FOXJ3: variants seen among roughly 807,000 people sequenced by gnomAD.
The protein encoded by FOXJ3 is forkhead box J3, also known as forkhead box protein J3.
FOXJ3 carries 22 observed loss-of-function variants against 76.1 expected under a neutral mutation model. That is an observed-to-expected ratio of 0.29 (90% confidence interval 0.21 to 0.41). The LOEUF is 0.41. FOXJ3 is among the 10% of genes least tolerant of loss of function. The pLI is 1.00. For synonymous variants in FOXJ3, 269 were observed against 261.2 expected (o/e 1.03, Z -0.29); for missense variants, 613 against 762.1 (o/e 0.80, Z 2.30).
intron 8 of FOXJ3, among the ~76,000 whole-genome samples, chr1:42,193,096 GA>G (rs1218669552): frequency 1.3e-5 from 2 of 151,696 alleles, no homozygotes; most frequent in Admixed American, 1.3e-4. Flanking sequence ...TTAAATAAAA[GA>G]AAGCAAAATA....
intron 1 of FOXJ3, among the ~76,000 whole-genome samples, chr1:42,319,686 G>A (rs563435228): frequency 1.1e-4 from 17 of 152,184 alleles, no homozygotes; most frequent in African/African-American, 3.6e-4. Flanking sequence ...CAACAAAGCA[G>A]TTAGGAAAAA....
chr1:42,210,026 T>C (rs1288920329), intron 5 of FOXJ3, among the ~76,000 whole-genome samples: 2 of 152,194 alleles, frequency 1.3e-5, no homozygotes, highest in African/African-American at 2.4e-5. Flanking sequence ...GAGTTCTAAG[T>C]GCAGGCTGCC....
At chr1:42,324,609 GC>G (rs1655719963) in intron 1 of FOXJ3, among the ~76,000 whole-genome samples, 1 of 152,030 alleles carries the variant, frequency 6.6e-6, no homozygotes, top group Non-Finnish European at 1.5e-5. Context: ...AGATGGTAGA[GC>G]CTACTACACA....
At chr1:42,322,944 T>C (rs1196096174) in intron 1 of FOXJ3, among the ~76,000 whole-genome samples, 2 of 152,152 alleles carry the variant, frequency 1.3e-5, no homozygotes, top group African/African-American at 4.8e-5. Flanking sequence ...TTTCGTTTTG[T>C]TTTAATATAG....
At chr1:42,192,803 T>C (rs1646577055) in intron 8 of FOXJ3, among the ~76,000 whole-genome samples, 1 of 151,482 alleles carries the variant, frequency 6.6e-6, no homozygotes, top group African/African-American at 2.4e-5. Context: ...AATAAAAGAA[T>C]CAAGCTTTTT....
Position 42,181,862 on chromosome 1 carries a change from T to TGCTC in FOXJ3, c.1753+51_1753+54dup, listed in dbSNP as rs977039505. The stretch of plus-strand genomic sequence containing the variant: ...TCACCTGCCATCGTTGTTCCTGGAG[T>TGCTC]GCTCACACACACACACACACACACA... On this transcript the variant is annotated intron_variant, in intron 12 of 12. Transcript: ENST00000361346. 1.1e-5 allele frequency: 12 copies of TGCTC among 1,087,680 alleles called. No individual in the cohort carries two copies. The African/African-American group carries it at 1.1e-4, about 10-fold the overall frequency. 67.4% of individuals were successfully genotyped at this position (1,087,680 alleles called of 1,614,324 possible). A position where few individuals can be genotyped will look rare whatever the true frequency, so the allele number is the denominator to read the frequency against.
chr1:42,229,532 T>G (rs1359854032), intron 4 of FOXJ3, among the ~76,000 whole-genome samples: 1 of 152,136 alleles, frequency 6.6e-6, no homozygotes, highest in Non-Finnish European at 1.5e-5. Flanking sequence ...CAGATTCTGG[T>G]CTATGTAGGT....
At chr1:42,208,281 T>C (rs761232099) in intron 5 of FOXJ3, among the ~76,000 whole-genome samples, 1 of 152,118 alleles carries the variant, frequency 6.6e-6, no homozygotes, top group Non-Finnish European at 1.5e-5. Flanking sequence ...GAAATACTCA[T>C]CCCTCAACAA....
intron 2 of FOXJ3, among the ~76,000 whole-genome samples, chr1:42,309,356 C>T (rs1243293171): frequency 2.0e-5 from 3 of 152,200 alleles, no homozygotes; most frequent in African/African-American, 7.2e-5. Flanking sequence ...CTAAAGAATG[C>T]TCGACTACCA....
At chr1:42,206,724 G>T (rs1484169724) in intron 5 of FOXJ3, among the ~76,000 whole-genome samples, 1 of 151,976 alleles carries the variant, frequency 6.6e-6, no homozygotes, top group African/African-American at 2.4e-5. Flanking sequence ...TTTATACTAG[G>T]AATATTCAAA....
At chr1:42,193,380 AG>A (rs1309711246) in intron 8 of FOXJ3, among the ~76,000 whole-genome samples, 1 of 151,370 alleles carries the variant, frequency 6.6e-6, no homozygotes, top group Non-Finnish European at 1.5e-5. Flanking sequence ...ACTAGAACCC[AG>A]ACTTCCTATC....
intron 4 of FOXJ3, among the ~76,000 whole-genome samples, chr1:42,241,377 T>A (rs1649129106): frequency 6.6e-6 from 1 of 152,148 alleles, no homozygotes; most frequent in African/African-American, 2.4e-5. Flanking sequence ...TCCAGCTACC[T>A]GAGCACACTG....
chr1:42,288,721 G>A (rs1466319427), intron 2 of FOXJ3, among the ~76,000 whole-genome samples: 1 of 152,172 alleles, frequency 6.6e-6, no homozygotes, highest in Non-Finnish European at 1.5e-5. Flanking sequence ...CTCTCATACA[G>A]TGTATAGTAG....
At chr1:42,258,893 G>C (rs999179555) in intron 4 of FOXJ3, among the ~76,000 whole-genome samples, 10 of 152,088 alleles carry the variant, frequency 6.6e-5, no homozygotes, top group African/African-American at 2.4e-4. Context: ...CCACTCACAA[G>C]GCAGCTTAAC....
chr1:42,191,135 G>C lies in FOXJ3; in HGVS notation c.1351+168C>G, dbSNP rs189218132. The stretch of plus-strand genomic sequence containing the variant: ...TGTTGCCACAATAAATTTTAATCAA[G>C]AAAGTCGCCAGGTCAGTCTATGAAT... On this transcript the variant is annotated intron_variant, in intron 9 of 12. Coordinates refer to ENST00000361346, the MANE Select transcript of FOXJ3 (RefSeq NM_014947.5). Among the ~76,000 whole-genome samples the C allele has an allele frequency of 5.3e-5, 8 of 152,156 alleles. No individual in the cohort carries two copies. The East Asian group carries it at 1.5e-3, about 29-fold the overall frequency.
chr1:42,320,200 A>C (rs901445353), intron 1 of FOXJ3, among the ~76,000 whole-genome samples: 4 of 152,126 alleles, frequency 2.6e-5, no homozygotes, highest in Non-Finnish European at 5.9e-5. Context: ...TCAATAAAAG[A>C]GGTGGTGAGC....
intron 7 of FOXJ3, among the ~76,000 whole-genome samples, chr1:42,198,385 TG>T (rs920838206): frequency 4.6e-5 from 7 of 152,170 alleles, no homozygotes; most frequent in East Asian, 1.9e-4. Flanking sequence ...CTTTGTCCCG[TG>T]TAAGTTTTTT....
At chr1:42,305,574 G>A in intron 2 of FOXJ3, among the ~76,000 whole-genome samples, 1 of 152,132 alleles carries the variant, frequency 6.6e-6, no homozygotes, top group East Asian at 1.9e-4. Context: ...CAACATGGAT[G>A]GAACTGGGGG....
intron 2 of FOXJ3, among the ~76,000 whole-genome samples, chr1:42,310,079 T>C (rs929544011): frequency 6.6e-6 from 1 of 152,196 alleles, no homozygotes; most frequent in African/African-American, 2.4e-5. Context: ...TTCAGTCTTA[T>C]TTAATAATCT....
Sources: gnomAD v4.1 joint callset for allele counts (sites outside exome capture counted in the v4.1 genomes callset) on GRCh38, gnomAD v4.1.1 for gene constraint, MANE v1.5 for transcripts, NCBI Gene and HGNC (gene_info 2026-07-23, HGNC 2026-07-21) for gene names.